Variants in GMCL1 observed in about 807,000 individuals in gnomAD.
The protein encoded by GMCL1 is germ cell-less 1, spermatogenesis associated, also known as germ cell-less protein-like 1.
GMCL1 carries 54 observed loss-of-function variants against 75.5 expected under a neutral mutation model. The ratio of observed to expected loss-of-function variants is 0.71; its 90% confidence interval spans 0.57 to 0.90. The LOEUF (loss-of-function observed/expected upper bound fraction) is 0.90. Ranked by LOEUF, GMCL1 falls within the 40% of genes least tolerant of loss-of-function variation. GMCL1 has a pLI of 0.00. For synonymous variants in GMCL1, 210 were observed against 209.6 expected, an observed-to-expected ratio of 1.00 and a Z score of -0.02; for missense variants, 537 against 622.7, an observed-to-expected ratio of 0.86 and a Z score of 1.47.
intron 11 of GMCL1, among the ~76,000 whole-genome samples, chr2:69,868,847 G>A (rs1405318717): frequency 6.6e-6 from 1 of 151,006 alleles, no homozygotes; most frequent in East Asian, 2.0e-4. Context: ...TGGGTGCAGT[G>A]GCTCACGCCT....
At chr2:69,833,993 C>CTGT (rs745323555) in intron 1 of GMCL1, among the ~76,000 whole-genome samples, 2 of 152,190 alleles carry the variant, frequency 1.3e-5, no homozygotes, top group South Asian at 4.1e-4. Context: ...AACTGCTTGT[C>CTGT]TGTTCAAAGG....
intron 12 of GMCL1, among the ~76,000 whole-genome samples, chr2:69,871,079 C>G (rs1675968658): frequency 2.0e-5 from 3 of 152,136 alleles, no homozygotes; most frequent in Non-Finnish European, 4.4e-5. Flanking sequence ...TACTTATGTT[C>G]ATAACAGCAT....
At chr2:69,873,114 G>T (rs764707745) in intron 13 of GMCL1, among the ~76,000 whole-genome samples, 4 of 152,190 alleles carry the variant, frequency 2.6e-5, no homozygotes, top group Admixed American at 6.5e-5. Context: ...GTTATTGGAG[G>T]AGGAGGAGAA....
chr2:69,860,633 A>G (rs757589736), intron 9 of GMCL1, among the ~76,000 whole-genome samples: 12 of 152,158 alleles, frequency 7.9e-5, no homozygotes, highest in Non-Finnish European at 1.5e-4. Flanking sequence ...GATTTTTACA[A>G]TTGAAAAATT....
chr2:69,839,649 T>G (rs1370502936), intron 3 of GMCL1, 96 bp downstream of exon 3: 1 of 771,670 alleles, frequency 1.3e-6, no homozygotes, highest in Non-Finnish European at 2.2e-6. Flanking sequence ...CCTTGTAGTC[T>G]AGAAAACTCC....
rs1400963806 is a variant in GMCL1, at chr2:69,843,206, G to A, written c.637G>A (p.Val213Ile). The change falls in exon 5 of 14, where the codon GTA (valine) becomes ATA (isoleucine). Residue 213 changes from valine (V) to isoleucine (I), a missense_variant. Physicochemically the swap from Val to Ile is conservative, Grantham distance 29 (BLOSUM62 3). Coordinates refer to ENST00000282570, the MANE Select transcript of GMCL1 (RefSeq NM_178439.5). The stretch of plus-strand genomic sequence containing the variant: ...GAAGGAAACAGTTAATGTGAAAACT[G>A]TATGTGGCTATTACACATCAGCAGG... ...TMKETVNVKT[V>I]CGYYTSAGTY... 1 of 1,612,162 alleles carries A rather than the reference G, an allele frequency of 6.2e-7. No individual in the cohort carries two copies. The highest frequency in any genetic ancestry group is 1.1e-5 in the South Asian group (1 of 91,050).
At chr2:69,870,603 G>C (rs7568485) in intron 12 of GMCL1, among the ~76,000 whole-genome samples, 43,611 of 151,922 alleles carry the variant, frequency 0.29, 7,311 homozygotes, top group African/African-American at 0.44. Context: ...TATTTGTAAC[G>C]CTACATTTGA....
chr2:69,869,036 T>C (rs1409059218), intron 11 of GMCL1, among the ~76,000 whole-genome samples: 15 of 151,582 alleles, frequency 9.9e-5, no homozygotes, highest in Non-Finnish European at 2.2e-4. Context: ...GCGGATCACC[T>C]GAGGTCGGGA....
intron 8 of GMCL1, among the ~76,000 whole-genome samples, chr2:69,850,690 G>A (rs1339790138): frequency 1.3e-5 from 2 of 152,072 alleles, no homozygotes; most frequent in African/African-American, 4.8e-5. Flanking sequence ...ACATAGTGGT[G>A]TGCTAATAAG....
chr2:69,848,337 T>C (rs1235533059), intron 7 of GMCL1, among the ~76,000 whole-genome samples: 1 of 152,242 alleles, frequency 6.6e-6, no homozygotes, highest in Non-Finnish European at 1.5e-5. Flanking sequence ...TTTGTTTGTT[T>C]CTATGGTAGA....
intron 8 of GMCL1, among the ~76,000 whole-genome samples, chr2:69,852,298 A>T (rs995851489): frequency 2.6e-5 from 4 of 152,188 alleles, no homozygotes; most frequent in Non-Finnish European, 5.9e-5. Context: ...CCACTTCTGG[A>T]TTCCCACTTG....
chr2:69,864,189 T>C (rs987439875), intron 10 of GMCL1, among the ~76,000 whole-genome samples: 27 of 152,080 alleles, frequency 1.8e-4, no homozygotes, highest in African/African-American at 6.5e-4. Context: ...TACACTTATT[T>C]ATTTATTGTA....
intron 12 of GMCL1, among the ~76,000 whole-genome samples, chr2:69,870,081 A>G (rs189118672): frequency 6.7e-6 from 1 of 149,340 alleles, no homozygotes; most frequent in East Asian, 2.0e-4. Context: ...GCTGGAATAT[A>G]TACCAGTAGG....
At chr2:69,866,221 C>T (rs1022193240) in intron 11 of GMCL1, among the ~76,000 whole-genome samples, 2 of 150,406 alleles carry the variant, frequency 1.3e-5, no homozygotes, top group Non-Finnish European at 2.9e-5. Flanking sequence ...GCACTTCAGC[C>T]TGGTGACAGA....
intron 8 of GMCL1, among the ~76,000 whole-genome samples, chr2:69,853,666 T>G (rs1324972729): frequency 6.6e-6 from 1 of 152,202 alleles, no homozygotes; most frequent in African/African-American, 2.4e-5. Context: ...AATACCTGTT[T>G]GATAGCAGTA....
chr2:69,856,561 A>G (rs532153607), intron 9 of GMCL1, among the ~76,000 whole-genome samples: 4 of 149,012 alleles, frequency 2.7e-5, no homozygotes, highest in Non-Finnish European at 3.0e-5. Context: ...CCTCTGACCT[A>G]TCTTGTTACT....
chr2:69,842,415 GTT>G (rs1234470140), intron 4 of GMCL1, among the ~76,000 whole-genome samples: 1 of 152,114 alleles, frequency 6.6e-6, no homozygotes, highest in Non-Finnish European at 1.5e-5. Flanking sequence ...TTTTCAAAAT[GTT>G]TTGATCCTTT....
At chr2:69,830,718 G>T (rs1389054899) in intron 1 of GMCL1, among the ~76,000 whole-genome samples, 1 of 148,070 alleles carries the variant, frequency 6.8e-6, no homozygotes, top group Non-Finnish European at 1.5e-5. Context: ...CGTTGACCGT[G>T]GATGTACTGT....
intron 9 of GMCL1, among the ~76,000 whole-genome samples, chr2:69,859,881 C>G (rs758979826): frequency 8.6e-5 from 13 of 151,818 alleles, no homozygotes; most frequent in Non-Finnish European, 1.9e-4. Flanking sequence ...ATTTCTACCC[C>G]TCTTTTACAT....
Sources: gnomAD v4.1 joint callset for allele counts (sites outside exome capture counted in the v4.1 genomes callset) on GRCh38, gnomAD v4.1.1 for gene constraint, MANE v1.5 for transcripts, NCBI Gene and HGNC (gene_info 2026-07-23, HGNC 2026-07-21) for gene names.